Variants in ZFP90 observed in about 807,000 individuals in gnomAD.
ZFP90 encodes the protein zinc finger protein 90 homolog.
ZFP90 carries 38 observed loss-of-function variants against 60.8 expected under a neutral mutation model. The observed-to-expected ratio is 0.62, with a 90% CI of 0.48 to 0.82. The LOEUF (loss-of-function observed/expected upper bound fraction) is 0.82. Among genes scored for constraint, ZFP90 ranks in the 40% least tolerant of loss-of-function variants. The pLI is 0.00. For missense variants in ZFP90, 711 were observed against 759.1 expected (o/e 0.94, Z 0.74); for synonymous variants, 287 against 264.8 (o/e 1.08, Z -0.82).
intron 3 of ZFP90, 116 bp downstream of exon 3, chr16:68,558,240 C>T: frequency 1.4e-6 from 2 of 1,465,760 alleles, no homozygotes; most frequent in Non-Finnish European, 9.4e-7. Flanking sequence ...GGGGTCAGAG[C>T]TTGTTAATCT....
At chr16:68,557,190 A>G (rs753233788) in intron 2 of ZFP90, 5 of 454,652 alleles carry the variant, frequency 1.1e-5, no homozygotes, top group East Asian at 6.9e-5. Context: ...GTTTTGCTCT[A>G]TTGCCTAGGA....
At position 68,565,963 on chromosome 16, in the gene ZFP90, A is replaced by G; in HGVS notation, c.*1265A>G. 1.1e-5 allele frequency: 7 copies of G among 622,264 alleles called. No individual in the cohort carries two copies. In the South Asian group the frequency reaches 4.9e-4, roughly 43 times the overall value. The allele number at this position is 622,264 out of a possible 1,614,324, so 38.5% of individuals were successfully genotyped here. ...AACATGGTGAAACCCCATCTCTTTA[A>G]AAAAAAAAAAAAATCCAAAAATTAG... On this transcript the variant is annotated 3_prime_UTR_variant, in exon 5 of 5. Coordinates refer to ENST00000563169, the MANE Select transcript of ZFP90 (RefSeq NM_001305203.2).
chr16:68,564,796 G>A lies in ZFP90; in HGVS notation c.*98G>A, dbSNP rs752767131. ...AGAGCTTGGGAATGTAATGAATTAC[G>A]TGTGTGTTTATACGTTGTGTGTGGA... On this transcript the variant is annotated 3_prime_UTR_variant, in exon 5 of 5. Transcript: ENST00000563169. 10 of 1,466,684 alleles carry A rather than the reference G, an allele frequency of 6.8e-6. No individual in the cohort carries two copies. The highest frequency in any genetic ancestry group is 5.5e-5 in the Admixed American group (2 of 36,596). 90.9% of individuals were successfully genotyped at this position (1,466,684 alleles called of 1,614,324 possible). A position where few individuals can be genotyped will look rare whatever the true frequency, so the allele number is the denominator to read the frequency against.
At chr16:68,549,473 CA>C (rs1276964242) in intron 2 of ZFP90, among the ~76,000 whole-genome samples, 1 of 151,880 alleles carries the variant, frequency 6.6e-6, no homozygotes, top group African/African-American at 2.4e-5. Context: ...GTCAGGAGAT[CA>C]AGACCATCCT....
chr16:68,554,395 G>A (rs1214775043), intron 2 of ZFP90, among the ~76,000 whole-genome samples: 1 of 152,058 alleles, frequency 6.6e-6, no homozygotes, highest in Non-Finnish European at 1.5e-5. Context: ...ACCCGCCTCA[G>A]CCCCCTAAAG....
At chr16:68,574,026 T>C (rs1264020710) in intron 2 of ZFP90, 1 of 151,996 alleles carries the variant, frequency 6.6e-6, no homozygotes, top group African/African-American at 2.4e-5. Context: ...CAAGTCATTC[T>C]CCTCCTGTGG....
intron 2 of ZFP90, among the ~76,000 whole-genome samples, chr16:68,546,661 G>A (rs561603279): frequency 9.9e-5 from 15 of 152,260 alleles, no homozygotes; most frequent in Admixed American, 7.2e-4. Context: ...ACAGGCATGC[G>A]CCACCACGCC....
chr16:68,558,168 T>G, intron 3 of ZFP90, 44 bp downstream of exon 3: 1 of 1,605,472 alleles, frequency 6.2e-7, no homozygotes, highest in Non-Finnish European at 8.5e-7. Context: ...GATGGGCCTT[T>G]CCTTCCTTGG....
chr16:68,542,497 A>G (rs1399650266), intron 2 of ZFP90, among the ~76,000 whole-genome samples: 1 of 152,164 alleles, frequency 6.6e-6, no homozygotes, highest in Admixed American at 6.6e-5. Context: ...AGGCTGAGGC[A>G]GGAGAATCGC....
rs2091533915 is a variant in ZFP90 at position 68,566,721 on chromosome 16, T to C, written c.*2023T>C. The C allele has an allele frequency of 4.1e-6, 4 of 985,472 alleles. No homozygotes were observed. The highest frequency in any genetic ancestry group is 4.8e-6 in the Non-Finnish European group (4 of 829,958). 61.0% of individuals were successfully genotyped at this position (985,472 alleles called of 1,614,324 possible). On this transcript the variant is annotated 3_prime_UTR_variant, in exon 5 of 5. Coordinates refer to ENST00000563169, the MANE Select transcript of ZFP90 (RefSeq NM_001305203.2). ...ATAGTTTGACAATGGGTAATTCTAC[T>C]CAGACCCTCCCTACTGATTGGCTAG...
chr16:68,545,852 A>C (rs1051421574), intron 2 of ZFP90, among the ~76,000 whole-genome samples: 2 of 151,958 alleles, frequency 1.3e-5, no homozygotes, highest in Non-Finnish European at 2.9e-5. Flanking sequence ...TCTTTTCCTT[A>C]CTTTTCCGTG....
rs551779570 is a variant in ZFP90, at chr16:68,548,474, C to CTTTTT, written c.33+8675_33+8679dup. ...ATATTTCACTGTTCTGTTTATCCTC[C>CTTTTT]TTTTTTTTTTTTTTTTTTTTTTTTT... On this transcript the variant is annotated intron_variant, in intron 2 of 4. Transcript: ENST00000563169. Among the ~76,000 whole-genome samples, 154 of 81,080 alleles carry CTTTTT rather than the reference C, an allele frequency of 1.9e-3. 5 individuals are homozygous for CTTTTT. The highest frequency in any genetic ancestry group is 7.3e-3 in the African/African-American group (139 of 19,014). 53.2% of individuals were successfully genotyped at this position (81,080 alleles called of 152,430 possible).
At chr16:68,567,228 C>A, downstream of ZFP90, 1 of 890,162 alleles carries the variant, frequency 1.1e-6, no homozygotes, top group Non-Finnish European at 1.3e-6. Flanking sequence ...TCATCACAGC[C>A]AGGTGAGTTA....
chr16:68,555,482 T>C (rs1480607413), intron 2 of ZFP90, among the ~76,000 whole-genome samples: 1 of 152,138 alleles, frequency 6.6e-6, no homozygotes, highest in African/African-American at 2.4e-5. Flanking sequence ...ACTCCTGCCT[T>C]CTTTAATATT....
At chr16:68,558,359 CT>C (rs750824840) in intron 3 of ZFP90, 113 bp from the exon 4 acceptor site, 95 of 1,180,280 alleles carry the variant, frequency 8.0e-5, no homozygotes, top group Middle Eastern at 1.9e-4. Flanking sequence ...TAAGTTGCAC[CT>C]TTTTTTTCCT....
intron 2 of ZFP90, among the ~76,000 whole-genome samples, chr16:68,546,369 A>T (rs1213300859): frequency 2.0e-5 from 3 of 152,176 alleles, no homozygotes; most frequent in Non-Finnish European, 4.4e-5. Flanking sequence ...AAAATTCTTC[A>T]TCTTGTAAAA....
Position 68,558,509 on chromosome 16 carries a change from T to G in ZFP90, c.197T>G (p.Leu66Trp), listed in dbSNP as rs1248012193. Residue 66 changes from leucine (L) to tryptophan (W), a missense_variant, in exon 4 of 5, where the codon TTG becomes TGG. Leu to Trp is a moderately conservative substitution (Grantham distance 61). This residue lies in a region of ZFP90 where 241 missense variants were observed against 247.6 expected (regional missense o/e 0.97). Transcript: ENST00000563169. ...TCCAAGCCAGAGGTGATCTTCAAAT[T>G]GGAGCAAGGAGAAGAGCCATGGATA... ...QVSKPEVIFK[L>W]EQGEEPWISE... is the part of the protein sequence containing the mutation. 6.2e-7 allele frequency: 1 copy of G among 1,613,964 alleles called. No individual in the cohort carries two copies. The highest frequency in any genetic ancestry group is 1.7e-5 in the Admixed American group (1 of 59,996).
In ZFP90 at chr16:68,539,432, G is replaced by T. The variant is rs937134837; in HGVS notation, c.-83G>T. 2.6e-5 allele frequency: 9 copies of T among 343,008 alleles called. No homozygotes were observed. Among genetic ancestry groups the T allele is most frequent in the Non-Finnish European group, 4.2e-5 (8 of 188,666 alleles). 21.2% of individuals were successfully genotyped at this position (343,008 alleles called of 1,614,324 possible). On this transcript the variant is annotated 5_prime_UTR_variant, in exon 1 of 5. Transcript: ENST00000563169. ...GGAGGAGCTGCCCGAGGCTCTGGGT[G>T]GGCCGGAGGTCGCGAAATCCGGAGC... is the stretch of plus-strand genomic sequence containing the variant.
chr16:68,563,382 C>T lies in ZFP90; in HGVS notation c.595C>T (p.Leu199Phe). 1.9e-6 allele frequency: 3 copies of T among 1,613,816 alleles called. No homozygotes were observed. The highest frequency in any genetic ancestry group is 2.5e-6 in the Non-Finnish European group (3 of 1,179,962). ...GSNLGHNADL[L>F]NENNILAKKK... The stretch of plus-strand genomic sequence containing the variant: ...CAATTTGGGACATAATGCAGACTTA[C>T]TTAATGAGAATAATATTCTTGCAAA... The change falls in exon 5 of 5, where the codon CTT (leucine) becomes TTT (phenylalanine). Residue 199 changes from leucine to phenylalanine, a missense_variant. Leu to Phe is a conservative substitution (Grantham distance 22). Coordinates refer to ENST00000563169, the MANE Select transcript of ZFP90 (RefSeq NM_001305203.2).
Sources: allele counts gnomAD v4.1 joint callset (sites outside exome capture counted in the v4.1 genomes callset), GRCh38; gene constraint gnomAD v4.1.1; regional missense constraint gnomAD v4.1.1; transcripts MANE v1.5; gene names NCBI Gene and HGNC (gene_info 2026-07-23, HGNC 2026-07-21).